The following NXN variants were observed in gnomAD, a reference collection of about 807,000 sequenced individuals.
NXN encodes nucleoredoxin 1.
Under a neutral mutation model 48.6 loss-of-function variants are expected in NXN, and 16 were observed. That is an observed-to-expected ratio of 0.33 (90% confidence interval 0.22 to 0.50). The LOEUF is 0.50. NXN is among the 20% of genes least tolerant of loss of function. The pLI, the probability that NXN is intolerant of heterozygous loss-of-function variation, is 0.98. For missense variants in NXN, 492 were observed against 605.5 expected, an observed-to-expected ratio of 0.81 and a Z score of 1.97; for synonymous variants, 281 against 269.6, an observed-to-expected ratio of 1.04 and a Z score of -0.41.
intron 1 of NXN, among the ~76,000 whole-genome samples, chr17:974,376 T>C (rs1484301680): frequency 3.9e-5 from 6 of 151,908 alleles, no homozygotes; most frequent in Admixed American, 1.3e-4. Flanking sequence ...TATATATATA[T>C]AGATATATGG....
intron 1 of NXN, among the ~76,000 whole-genome samples, chr17:841,778 C>G (rs1175325455): frequency 2.0e-5 from 3 of 152,182 alleles, no homozygotes. Flanking sequence ...CTGGGTGCGG[C>G]AAAGGCACAA....
chr17:946,657 C>T (rs184168988), intron 1 of NXN, among the ~76,000 whole-genome samples: 168 of 152,310 alleles, frequency 1.1e-3, no homozygotes, highest in African/African-American at 4.0e-3. Context: ...CCACGCTCCC[C>T]GTTAGCCTCG....
chr17:802,751 G>A (rs1250093931), intron 7 of NXN, among the ~76,000 whole-genome samples: 2 of 152,220 alleles, frequency 1.3e-5, no homozygotes, highest in Admixed American at 1.3e-4. Flanking sequence ...CCCAGGTGCT[G>A]GGCTGGGCAG....
rs191520923 is a variant in NXN, at chr17:881,211, C to T, written c.361-55133G>A. Among the ~76,000 whole-genome samples, 15 of 152,302 alleles carry T rather than the reference C, an allele frequency of 9.8e-5. No individual in the cohort carries two copies. In the East Asian group the frequency reaches 2.7e-3, roughly 27 times the overall value. Reference sequence around the variant, plus strand: ...CCCGGGTGAGGACGTGGAGCAAGTGCGAGTCTCACACTCCGCTGCCGGGGA... The same window carrying T: ...CCCGGGTGAGGACGTGGAGCAAGTGTGAGTCTCACACTCCGCTGCCGGGGA... On this transcript the variant is annotated intron_variant, in intron 1 of 7. Transcript: ENST00000336868.
At chr17:969,486 C>T (rs918373415) in intron 1 of NXN, among the ~76,000 whole-genome samples, 1 of 152,122 alleles carries the variant, frequency 6.6e-6, no homozygotes, top group South Asian at 2.1e-4. Context: ...AGAACATGCC[C>T]AGAGCTGGAA....
intron 1 of NXN, among the ~76,000 whole-genome samples, chr17:939,117 T>C (rs1412365864): frequency 1.3e-5 from 2 of 151,816 alleles, no homozygotes; most frequent in Non-Finnish European, 2.9e-5. Flanking sequence ...TATAACAGAA[T>C]CTTTGACCTA....
intron 1 of NXN, among the ~76,000 whole-genome samples, chr17:841,648 C>CGGCGCATCTCACACCCGCG (rs1914307098): frequency 7.3e-6 from 1 of 136,484 alleles, no homozygotes; most frequent in East Asian, 2.3e-4. Context: ...ACCCTGACCA[C>CGGCGCATCTCACACCCGCG]AGCGCATCTC....
rs1567810431 is a variant in NXN at position 809,937 on chromosome 17, CGTGT to C, written c.821-4694_821-4691del. Among the ~76,000 whole-genome samples, 111 of 134,352 alleles carry C rather than the reference CGTGT, an allele frequency of 8.3e-4. 5 individuals carry two copies. The highest frequency in any genetic ancestry group is 1.5e-3 in the South Asian group (6 of 3,988). The allele number at this position is 134,352 out of a possible 152,430, so 88.1% of individuals were successfully genotyped here. On this transcript the variant is annotated intron_variant, in intron 5 of 7. Transcript: ENST00000336868. Reference sequence around the variant, plus strand: ...GCACGTTAAGAGTCCGTGTGAGTGGCGTGTACGTTACGAGTCTGTGTGAGTGGCG... The same window carrying C: ...GCACGTTAAGAGTCCGTGTGAGTGGCACGTTACGAGTCTGTGTGAGTGGCG...
chr17:814,858 C>T (rs1912379964), intron 5 of NXN, among the ~76,000 whole-genome samples: 1 of 151,806 alleles, frequency 6.6e-6, no homozygotes, highest in African/African-American at 2.4e-5. Flanking sequence ...CTCCGCCTCC[C>T]AGGTTCAAGT....
chr17:854,958 C>CA (rs879505590), intron 1 of NXN, among the ~76,000 whole-genome samples: 237 of 131,824 alleles, frequency 1.8e-3, no homozygotes, highest in East Asian at 9.7e-3. Flanking sequence ...GACTCCGTCT[C>CA]AAAAAAAAAA....
At chr17:892,981 G>T (rs1436230871) in intron 1 of NXN, among the ~76,000 whole-genome samples, 4 of 152,248 alleles carry the variant, frequency 2.6e-5, no homozygotes, top group Non-Finnish European at 4.4e-5. Flanking sequence ...GGGCAAGGGA[G>T]GGGTACCTGT....
chr17:920,091 G>T lies in NXN; in HGVS notation c.360+59228C>A, dbSNP rs918097280. Among the ~76,000 whole-genome samples the T allele has an allele frequency of 6.6e-5, 10 of 152,100 alleles. No homozygotes were observed. The highest frequency in any genetic ancestry group is 2.4e-4 in the African/African-American group (10 of 41,410). ...ATGTTTGTATTTTTGGTGGAGACAA[G>T]GTTTCGCCATGTTGCCCAGGCTGGT... On this transcript the variant is annotated intron_variant, in intron 1 of 7. Coordinates refer to ENST00000336868, the MANE Select transcript of NXN (RefSeq NM_022463.5). This position sits in a 1 kb window ranked among gnomAD's most constrained non-coding sequence, Gnocchi z 4.6.
At chr17:811,904 C>A (rs1344435828) in intron 5 of NXN, among the ~76,000 whole-genome samples, 1 of 141,128 alleles carries the variant, frequency 7.1e-6, no homozygotes, top group Non-Finnish European at 1.5e-5. Context: ...CCGGGTTGTG[C>A]GGTTACCCAG....
At chr17:899,301 A>G (rs980256548) in intron 1 of NXN, among the ~76,000 whole-genome samples, 3 of 152,154 alleles carry the variant, frequency 2.0e-5, no homozygotes, top group African/African-American at 7.2e-5. Context: ...TAATAGTACT[A>G]TAACTGTCTC....
chr17:868,436 T>C (rs1311275022), intron 1 of NXN, among the ~76,000 whole-genome samples: 1 of 151,446 alleles, frequency 6.6e-6, no homozygotes, highest in Non-Finnish European at 1.5e-5. Flanking sequence ...GCCTTCGCGC[T>C]CCCCAAGCAC....
At position 832,688 on chromosome 17, in the gene NXN, C is replaced by T. The variant is rs572869987; in HGVS notation, c.361-6610G>A. Among the ~76,000 whole-genome samples, 34 of 152,244 alleles carry T rather than the reference C, an allele frequency of 2.2e-4. No homozygotes were observed. In the South Asian group the frequency reaches 5.8e-3, roughly 26 times the overall value. On this transcript the variant is annotated intron_variant, in intron 1 of 7. Transcript: ENST00000336868. ...GTCTCCACAGACATGTCTTTCCTCTCGGAATCCTCTCTGGATGGGTAAGAA... is the reference window on the plus strand; with the variant it reads ...GTCTCCACAGACATGTCTTTCCTCTTGGAATCCTCTCTGGATGGGTAAGAA...
intron 1 of NXN, among the ~76,000 whole-genome samples, chr17:941,532 T>A: frequency 1.2e-5 from 1 of 86,272 alleles, no homozygotes; most frequent in Non-Finnish European, 2.2e-5. Flanking sequence ...GGATTTACAG[T>A]GAACAAGATT....
At chr17:889,531 C>T (rs1416547951) in intron 1 of NXN, among the ~76,000 whole-genome samples, 1 of 151,988 alleles carries the variant, frequency 6.6e-6, no homozygotes, top group Non-Finnish European at 1.5e-5. Context: ...ACCCTGTCTC[C>T]ACTAAAATAC....
intron 1 of NXN, among the ~76,000 whole-genome samples, chr17:868,263 C>A (rs953431222): frequency 6.6e-6 from 1 of 152,168 alleles, no homozygotes; most frequent in East Asian, 1.9e-4. Flanking sequence ...AGCCTTCACA[C>A]GTGGGATTCC....
Sources: gnomAD v4.1 joint callset for allele counts (sites outside exome capture counted in the v4.1 genomes callset) on GRCh38, gnomAD v4.1.1 for gene constraint, Gnocchi (gnomAD v3.1) non-coding constraint, MANE v1.5 for transcripts, NCBI Gene and HGNC (gene_info 2026-07-23, HGNC 2026-07-21) for gene names.